WDFY4: variants seen among roughly 807,000 people sequenced by gnomAD.
The protein encoded by WDFY4 is WDFY family member 4.
WDFY4 carries 169 observed loss-of-function variants against 351.9 expected under a neutral mutation model. The observed-to-expected ratio is 0.48, with a 90% CI of 0.42 to 0.55. The LOEUF is 0.55. Among genes scored for constraint, WDFY4 ranks in the 20% least tolerant of loss-of-function variants. WDFY4 has a pLI of 0.00. For synonymous variants in WDFY4, 1,622 were observed against 1,574.6 expected (o/e 1.03, Z -0.71); for missense variants, 3,803 against 3,935.6 (o/e 0.97, Z 0.90).
chr10:48,795,491 G>GTATGTA (rs1555013905), intron 23 of WDFY4, among the ~76,000 whole-genome samples: 18 of 101,214 alleles, frequency 1.8e-4, no homozygotes, highest in African/African-American at 7.7e-4. Flanking sequence ...GTGTGTGTCT[G>GTATGTA]TATATATATA....
At chr10:48,707,081 A>G (rs927717601) in intron 1 of WDFY4, among the ~76,000 whole-genome samples, 2 of 152,254 alleles carry the variant, frequency 1.3e-5, no homozygotes, top group African/African-American at 4.8e-5. Context: ...GCAGCAAGAG[A>G]AAGACAAGCA....
chr10:48,900,307 GTAAGA>G lies in WDFY4; in HGVS notation c.7523+2_7523+6del. ...ATGATCGGAGTAAGGCCTTTAAAAG[GTAAGA>G]GCTTGAAAATCCTCCTTCTGAGGAA... On this transcript the variant is annotated splice_donor_variant and splice_donor_5th_base_variant and intron_variant, in intron 46 of 61. Transcript: ENST00000325239. LOFTEE classifies it high-confidence loss of function. 6.4e-7 allele frequency: 1 copy of G among 1,550,408 alleles called. No individual in the cohort carries two copies. The highest frequency in any genetic ancestry group is 8.7e-7 in the Non-Finnish European group (1 of 1,146,374).
intron 11 of WDFY4, among the ~76,000 whole-genome samples, chr10:48,736,731 T>C (rs917211774): frequency 6.6e-6 from 1 of 152,152 alleles, no homozygotes; most frequent in African/African-American, 2.4e-5. Context: ...GTGGGTGCAT[T>C]GGTTAGACAC....
rs1045255185 is a variant in WDFY4, at chr10:48,781,330, C to G, written c.3576+1211C>G. ...TGTTTTTTTGAGATAGGATTTCGCT[C>G]TTGTCGCCCAGGCTGGAGTGCAATG... On this transcript the variant is annotated intron_variant, in intron 19 of 61. Coordinates refer to ENST00000325239, the MANE Select transcript of WDFY4 (RefSeq NM_001394531.1). Among the ~76,000 whole-genome samples the G allele has an allele frequency of 2.6e-5, 4 of 151,662 alleles. No individual in the cohort carries two copies. In the East Asian group the frequency reaches 7.7e-4, roughly 29 times the overall value.
At chr10:48,757,988 C>G (rs1049808057) in intron 12 of WDFY4, among the ~76,000 whole-genome samples, 3 of 152,098 alleles carry the variant, frequency 2.0e-5, no homozygotes, top group African/African-American at 7.2e-5. Context: ...AAGAAGAGAA[C>G]AATAATAGTG....
intron 49 of WDFY4, among the ~76,000 whole-genome samples, chr10:48,943,995 A>G (rs565598659): frequency 6.6e-6 from 1 of 152,320 alleles, no homozygotes; most frequent in East Asian, 1.9e-4. Flanking sequence ...ATAGTTGCTA[A>G]CATGAGCCCC....
chr10:48,696,230 G>A lies in WDFY4; in HGVS notation c.-18+11229G>A, dbSNP rs115567538. On this transcript the variant is annotated intron_variant, in intron 1 of 61. Transcript: ENST00000325239. The stretch of plus-strand genomic sequence containing the variant: ...CTGGTGATGTCTAGGGCCGCACCGA[G>A]GTGATTGCTGGAGTTATCGTGAGTC... Among the ~76,000 whole-genome samples the A allele has an allele frequency of 4.8e-3, 726 of 152,348 alleles. 4 individuals carry two copies. Among genetic ancestry groups the A allele is most frequent in the African/African-American group, 0.017 (690 of 41,580 alleles).
In WDFY4 at chr10:48,743,414, C is replaced by T. The variant is rs1487962791; in HGVS notation, c.2325C>T (p.Ser775=). Residue 775 remains serine (S), a synonymous_variant, in exon 12 of 62, where the codon AGC becomes AGT. Transcript: ENST00000325239. The part of the protein sequence containing the change: ...QILGFLDSMA[S]GTLHLRGDLK... ...TTGGCTTTCTGGACAGCATGGCCAG[C>T]GGCACCCTCCACTTGCGTGGGGACC... 6.4e-6 allele frequency: 10 copies of T among 1,551,438 alleles called. No homozygotes were observed. The highest frequency in any genetic ancestry group is 1.2e-5 in the South Asian group (1 of 84,056).
chr10:48,838,244 T>C (rs7078312), intron 39 of WDFY4, among the ~76,000 whole-genome samples: 80,473 of 151,906 alleles, frequency 0.53, 22,280 homozygotes, highest in East Asian at 0.71. Flanking sequence ...ACACCTTTCT[T>C]GGGGGTCCCC....
At chr10:48,718,700 T>A (rs1473493324) in intron 2 of WDFY4, among the ~76,000 whole-genome samples, 7 of 152,190 alleles carry the variant, frequency 4.6e-5, no homozygotes, top group Non-Finnish European at 1.5e-5. Context: ...AATGAGCCCT[T>A]CTCATCGCAC....
intron 39 of WDFY4, among the ~76,000 whole-genome samples, chr10:48,865,294 T>G (rs754251331): frequency 7.9e-5 from 12 of 152,228 alleles, no homozygotes; most frequent in Non-Finnish European, 1.6e-4. Flanking sequence ...TTTTAAATTT[T>G]TGTCAATTTT....
intron 13 of WDFY4, among the ~76,000 whole-genome samples, chr10:48,772,617 A>G (rs549556702): frequency 7.1e-6 from 1 of 140,332 alleles, no homozygotes; most frequent in Admixed American, 7.4e-5. Flanking sequence ...ACATATGTAT[A>G]CATGTGCCAT....
chr10:48,781,991 C>T (rs899430252), intron 19 of WDFY4, among the ~76,000 whole-genome samples: 1 of 152,162 alleles, frequency 6.6e-6, no homozygotes, highest in Non-Finnish European at 1.5e-5. Flanking sequence ...GTTACAGAAA[C>T]TAGATTCATT....
In WDFY4 at chr10:48,943,491, C is replaced by T. The variant is rs533475635; in HGVS notation, c.7749+42C>T. ...GAAACCACAGCTGCCCTCAGGTGTT[C>T]GGACGTTGATAACAGAGACCCTAAG... On this transcript the variant is annotated intron_variant, in intron 49 of 61. Coordinates refer to ENST00000325239, the MANE Select transcript of WDFY4 (RefSeq NM_001394531.1). 109 of 1,540,336 alleles carry T rather than the reference C, an allele frequency of 7.1e-5. No homozygotes were observed. The African/African-American group carries it at 1.2e-3, about 18-fold the overall frequency.
intron 13 of WDFY4, among the ~76,000 whole-genome samples, chr10:48,764,036 T>C (rs2065593049): frequency 6.6e-6 from 1 of 152,168 alleles, no homozygotes; most frequent in African/African-American, 2.4e-5. Context: ...AGATGGAAAG[T>C]ATGTTTCCTG....
At chr10:48,897,979 C>T (rs908046537) in intron 45 of WDFY4, among the ~76,000 whole-genome samples, 1 of 152,160 alleles carries the variant, frequency 6.6e-6, no homozygotes, top group Non-Finnish European at 1.5e-5. Flanking sequence ...GGTAAGACCT[C>T]CCTTGCTGAC....
At chr10:48,686,816 G>A (rs1184837945) in intron 1 of WDFY4, among the ~76,000 whole-genome samples, 5 of 151,982 alleles carry the variant, frequency 3.3e-5, no homozygotes, top group Non-Finnish European at 7.4e-5. Context: ...AAGCAGTGCC[G>A]CTAGAACTAT....
intron 40 of WDFY4, among the ~76,000 whole-genome samples, chr10:48,868,642 A>G (rs1195654183): frequency 1.3e-5 from 2 of 152,130 alleles, no homozygotes; most frequent in Admixed American, 1.3e-4. Flanking sequence ...ACTGAGGGGG[A>G]AATAAGATGA....
chr10:48,885,384 G>C (rs1589811948), intron 43 of WDFY4, among the ~76,000 whole-genome samples: 2 of 152,318 alleles, frequency 1.3e-5, no homozygotes, highest in Admixed American at 1.3e-4. Flanking sequence ...TCAGTCCTTA[G>C]TGAACACAGG....
Sources: gnomAD v4.1 joint callset for allele counts (sites outside exome capture counted in the v4.1 genomes callset) on GRCh38, gnomAD v4.1.1 for gene constraint, MANE v1.5 for transcripts, NCBI Gene and HGNC (gene_info 2026-07-23, HGNC 2026-07-21) for gene names.